Variants in ANKRD24 observed in about 807,000 individuals in gnomAD.
The protein encoded by ANKRD24 is ankyrin repeat domain-containing protein 24.
ANKRD24 carries 109 observed loss-of-function variants against 127.8 expected under a neutral mutation model. The observed-to-expected ratio is 0.85, with a 90% CI of 0.73 to 1.00. The LOEUF (loss-of-function observed/expected upper bound fraction) is 1.00. ANKRD24 is among the 50% of genes least tolerant of loss of function. The pLI is 0.00. For missense variants in ANKRD24, 1,648 were observed against 1,570.2 expected (o/e 1.05, Z -0.84); for synonymous variants, 743 against 671.1 (o/e 1.11, Z -1.66).
rs1282857237 is a variant in ANKRD24, at chr19:4,217,860, C to G, written c.2700C>G (p.Ala900=). Residue 900 remains alanine, a synonymous_variant, in exon 18 of 22, where the codon GCC becomes GCG. Transcript: ENST00000318934. ...GCGAGGAGGCGCGGCAGGGCCTGGC[C>G]GAGCTGCGGGAGGCCTCCGAGGCCC... ...AACEEARQGL[A]ELREASEALR... 3 of 1,454,240 alleles carry G rather than the reference C, an allele frequency of 2.1e-6. No individual in the cohort carries two copies. Among genetic ancestry groups the G allele is most frequent in the Admixed American group, 2.6e-5 (1 of 38,870 alleles). The allele number at this position is 1,454,240 out of a possible 1,614,324, so 90.1% of individuals were successfully genotyped here.
intron 13 of ANKRD24, among the ~76,000 whole-genome samples, chr19:4,210,793 C>A (rs1419438174): frequency 6.8e-6 from 1 of 146,152 alleles, no homozygotes; most frequent in East Asian, 2.0e-4. Flanking sequence ...ACCCCCCCGG[C>A]CAACTCGCTA....
rs769178978 is a variant in ANKRD24 at position 4,212,480 on chromosome 19, G to A, written c.1065G>A (p.Pro355=). 4.5e-5 allele frequency: 71 copies of A among 1,574,666 alleles called. No individual in the cohort carries two copies. Among genetic ancestry groups the A allele is most frequent in the African/African-American group, 2.0e-4 (15 of 73,878 alleles). The change falls in exon 14 of 22, where the codon CCG becomes CCA. Residue 355 remains proline, a synonymous_variant. Coordinates refer to ENST00000318934, the MANE Select transcript of ANKRD24 (RefSeq NM_001393985.1). ...GTCCCTGTTTCTCCCGTCAGTCCCCGGAGGCCAGCTCCCTGCACATCCTGG... is the reference window on the plus strand; with the variant it reads ...GTCCCTGTTTCTCCCGTCAGTCCCCAGAGGCCAGCTCCCTGCACATCCTGG... ...QHKERRQQES[P]EASSLHILER...
Position 4,212,501 on chromosome 19 carries a change from C to T in ANKRD24, c.1086C>T (p.Ile362=), listed in dbSNP as rs1344215292. The change falls in exon 14 of 22, where the codon ATC becomes ATT. Residue 362 remains isoleucine, a synonymous_variant. Transcript: ENST00000318934. Reference sequence around the variant, plus strand: ...CCCCGGAGGCCAGCTCCCTGCACATCCTGGAGAGACAGGTAGGTGGGAAGG... The same window carrying T: ...CCCCGGAGGCCAGCTCCCTGCACATTCTGGAGAGACAGGTAGGTGGGAAGG... ...QESPEASSLH[I]LERQVQELQQ... is the part of the protein sequence containing the mutation. 12 of 1,567,350 alleles carry T rather than the reference C, an allele frequency of 7.7e-6. No homozygotes were observed. In the South Asian group the frequency reaches 1.3e-4, roughly 17 times the overall value.
At chr19:4,184,284 C>T (rs1161623341) in intron 1 of ANKRD24, among the ~76,000 whole-genome samples, 3 of 152,174 alleles carry the variant, frequency 2.0e-5, no homozygotes, top group South Asian at 2.1e-4. Flanking sequence ...TGGCCGGGAG[C>T]TCGGGGCACT....
rs1398749921 is a variant in ANKRD24 at position 4,216,037 on chromosome 19, G to A, written c.1257G>A (p.Leu419=). 1.3e-6 allele frequency: 2 copies of A among 1,598,828 alleles called. No individual in the cohort carries two copies. Among genetic ancestry groups the A allele is most frequent in the South Asian group, 1.1e-5 (1 of 88,192 alleles). ...CCCTGCAGGATGAGGAGGGTGAGCT[G>A]CCTGACCTTCCAGGTGAGCCCCCAC... is the stretch of plus-strand genomic sequence containing the variant. The part of the protein sequence containing the change: ...VTTLQDEEGE[L]PDLPGAEVLL... The change falls in exon 16 of 22, where the codon CTG becomes CTA. Residue 419 remains leucine (L), a synonymous_variant. Transcript: ENST00000318934.
rs771034660 is a variant in ANKRD24 at position 4,219,740 on chromosome 19, C to T, written c.3153C>T (p.Ala1051=). The T allele has an allele frequency of 9.9e-6, 16 of 1,608,734 alleles. No individual in the cohort carries two copies. Among genetic ancestry groups the T allele is most frequent in the Non-Finnish European group, 1.3e-5 (15 of 1,177,474 alleles). The change falls in exon 19 of 22, where the codon GCC becomes GCT. Residue 1051 remains alanine (A), a synonymous_variant. Transcript: ENST00000318934. ...QSRAQEALDK[A]KEKDKKITEL... ...GGGCCCAGGAGGCTCTGGACAAGGC[C>T]AAGGAGAAGGACAAGAAGGTGGGTG...
rs748746812 is a variant in ANKRD24 at position 4,210,353 on chromosome 19, A to G, written c.1040A>G (p.Lys347Arg). ...LQKIRGLEQHKERRQQESPEA... is the reference protein window; with the variant it reads ...LQKIRGLEQHRERRQQESPEA... ...AAGATCCGGGGCCTGGAACAGCACAAGGAACGGAGGCAGCAGGAGGTTAGG... is the reference window on the plus strand; with the variant it reads ...AAGATCCGGGGCCTGGAACAGCACAGGGAACGGAGGCAGCAGGAGGTTAGG... The change falls in exon 13 of 22, where the codon AAG becomes AGG. Residue 347 changes from lysine to arginine, a missense_variant. Physicochemically the swap from Lys to Arg is conservative, Grantham distance 26 (BLOSUM62 2). Coordinates refer to ENST00000318934, the MANE Select transcript of ANKRD24 (RefSeq NM_001393985.1). 49 of 1,567,454 alleles carry G rather than the reference A, an allele frequency of 3.1e-5. No homozygotes were observed. The highest frequency in any genetic ancestry group is 3.9e-5 in the Non-Finnish European group (45 of 1,156,822).
chr19:4,193,166 G>A (rs1968477461), intron 2 of ANKRD24, among the ~76,000 whole-genome samples: 1 of 151,770 alleles, frequency 6.6e-6, no homozygotes, highest in Non-Finnish European at 1.5e-5. Context: ...GCCAGGCGTG[G>A]TGGTGGGCAC....
Position 4,216,573 on chromosome 19 carries a change from C to G in ANKRD24, c.1413C>G (p.Asp471Glu). Residue 471 changes from aspartate to glutamate, a missense_variant, in exon 18 of 22, where the codon GAC becomes GAG. Asp to Glu is a conservative substitution (Grantham distance 45). Coordinates refer to ENST00000318934, the MANE Select transcript of ANKRD24 (RefSeq NM_001393985.1). The stretch of plus-strand genomic sequence containing the variant: ...AGATCCTGGAGAACTTTGAGAAGGA[C>G]GAGACACAGATGGAAGTGGAAGCTT... Reference protein sequence around the residue: ...KVQILENFEKDETQMEVEALA... With the variant: ...KVQILENFEKEETQMEVEALA... The G allele has an allele frequency of 6.2e-7, 1 of 1,610,626 alleles. No homozygotes were observed. The highest frequency in any genetic ancestry group is 8.5e-7 in the Non-Finnish European group (1 of 1,178,340).
chr19:4,194,663 G>A (rs1192456204), intron 2 of ANKRD24, among the ~76,000 whole-genome samples: 1 of 152,162 alleles, frequency 6.6e-6, no homozygotes, highest in Non-Finnish European at 1.5e-5. Context: ...ATCTGATGCA[G>A]GTTTAGGAAG....
At chr19:4,212,537 C>T in intron 14 of ANKRD24, 24 bp downstream of exon 14, 7 of 1,551,588 alleles carry the variant, frequency 4.5e-6, no homozygotes, top group Non-Finnish European at 6.1e-6. Context: ...TGGGGAGGAG[C>T]CGGTCCTCCT....
chr19:4,183,443 C>T (rs1017650638), intron 1 of ANKRD24: 13 of 757,566 alleles, frequency 1.7e-5, no homozygotes, highest in Non-Finnish European at 2.1e-5. Context: ...CATCTATGCC[C>T]TGGTGGCTGC....
chr19:4,199,574 G>A lies in ANKRD24; in HGVS notation c.37-109G>A. 1 of 1,437,600 alleles carries A rather than the reference G, an allele frequency of 7.0e-7. No individual in the cohort carries two copies. The allele number at this position is 1,437,600 out of a possible 1,614,324, so 89.1% of individuals were successfully genotyped here. A position where few individuals can be genotyped will look rare whatever the true frequency, so the allele number is the denominator to read the frequency against. On this transcript the variant is annotated intron_variant, in intron 2 of 21. Transcript: ENST00000318934. The surrounding 1 kb of genome is among the most constrained non-coding windows in gnomAD (Gnocchi z 5.2). ...GCTCAGGGGATGATGCTGGTGGTGG[G>A]CTTTTGTTGGACAACTGGGGTGATG...
At chr19:4,186,345 C>T (rs1968060703) in intron 1 of ANKRD24, 45 bp from the exon 2 acceptor site, 6 of 1,550,138 alleles carry the variant, frequency 3.9e-6, no homozygotes, top group Non-Finnish European at 5.2e-6. Context: ...TGCCGCCCAC[C>T]AGGACTGGTG....
At chr19:4,224,331 T>G (rs1477445605) in intron 21 of ANKRD24, 97 bp from the exon 22 acceptor site, 6 of 1,457,418 alleles carry the variant, frequency 4.1e-6, no homozygotes, top group Non-Finnish European at 5.7e-6. Flanking sequence ...CTGTGTGCAT[T>G]TCCCTCCTGG....
In ANKRD24 at chr19:4,210,091, C is replaced by T; in HGVS notation, c.904C>T (p.Pro302Ser). 2 of 1,612,670 alleles carry T rather than the reference C, an allele frequency of 1.2e-6. No homozygotes were observed. The highest frequency in any genetic ancestry group is 8.5e-7 in the Non-Finnish European group (1 of 1,179,498). ...SMSSHGKQGA[P>S]KKRKAPPPPA... ...GTCCAGCCATGGAAAGCAGGGGGCC[C>T]CCAAGAAGCGGAAGGCGCCTCCACC... Residue 302 changes from proline (P) to serine (S), a missense_variant, in exon 12 of 22, where the codon CCC becomes TCC. Physicochemically the swap from Pro to Ser is moderately conservative, Grantham distance 74. Transcript: ENST00000318934.
intron 10 of ANKRD24, 23 bp downstream of exon 10, chr19:4,207,991 A>T (rs777297305): frequency 6.9e-7 from 1 of 1,451,044 alleles, no homozygotes; most frequent in Non-Finnish European, 9.1e-7. Flanking sequence ...CACCTCCCCA[A>T]TGCATTTGCT....
chr19:4,209,640 G>A (rs570828468), intron 11 of ANKRD24, among the ~76,000 whole-genome samples: 10 of 151,590 alleles, frequency 6.6e-5, no homozygotes, highest in South Asian at 4.2e-4. Flanking sequence ...TAGTAGGGTC[G>A]GGGTTTCACT....
At chr19:4,188,789 T>A (rs1316559794) in intron 2 of ANKRD24, among the ~76,000 whole-genome samples, 1 of 152,080 alleles carries the variant, frequency 6.6e-6, no homozygotes, top group Non-Finnish European at 1.5e-5. Flanking sequence ...TTCAGTTGTT[T>A]GGGCTCATTT....
Sources: allele counts gnomAD v4.1 joint callset (sites outside exome capture counted in the v4.1 genomes callset), GRCh38; gene constraint gnomAD v4.1.1; non-coding constraint Gnocchi (gnomAD v3.1); transcripts MANE v1.5; gene names NCBI Gene and HGNC (gene_info 2026-07-23, HGNC 2026-07-21).